Variants in PAIP1 observed in about 807,000 individuals in gnomAD.
The protein encoded by PAIP1 is polyadenylate-binding protein-interacting protein 1.
Under a neutral mutation model 61.3 loss-of-function variants are expected in PAIP1, and 16 were observed. The ratio of observed to expected loss-of-function variants is 0.26; its 90% CI spans 0.18 to 0.40. The LOEUF is 0.40. PAIP1 is among the 10% of genes least tolerant of loss of function. The pLI is 1.00. For synonymous variants in PAIP1, 187 were observed against 226.2 expected (o/e 0.83, Z 1.56); for missense variants, 416 against 600.9 (o/e 0.69, Z 3.22).
Position 43,528,745 on chromosome 5 carries a change from A to G in PAIP1, c.1346+1041T>C, listed in dbSNP as rs187710509. On this transcript the variant is annotated intron_variant, in intron 10 of 10. Transcript: ENST00000306846. ...AATCTACAACACAGGAGATATTAAA[A>G]AAAAAATAAGTTCAAGATATAATTT... Among the ~76,000 whole-genome samples, 312 of 152,316 alleles carry G rather than the reference A, an allele frequency of 2.0e-3. 2 individuals carry two copies. Among genetic ancestry groups the G allele is most frequent in the Middle Eastern group, 6.8e-3 (2 of 294 alleles).
At chr5:43,538,402 C>A (rs1020072500) in intron 5 of PAIP1, among the ~76,000 whole-genome samples, 1 of 152,000 alleles carries the variant, frequency 6.6e-6, no homozygotes, top group Non-Finnish European at 1.5e-5. Context: ...TTGATTTAGC[C>A]ATTCTACGAT....
chr5:43,538,160 TGGA>T (rs1367747269), intron 5 of PAIP1, among the ~76,000 whole-genome samples: 2 of 152,058 alleles, frequency 1.3e-5, no homozygotes, highest in Non-Finnish European at 2.9e-5. Context: ...CATTTTTATG[TGGA>T]AGATTAATAT....
At chr5:43,555,365 T>G (rs921184890) in intron 2 of PAIP1, among the ~76,000 whole-genome samples, 5 of 152,230 alleles carry the variant, frequency 3.3e-5, no homozygotes, top group Admixed American at 3.3e-4. Flanking sequence ...CTCATCTGGG[T>G]TTATCCAGTA....
In PAIP1 at chr5:43,556,661, G is replaced by C. The variant is rs2111616874; in HGVS notation, c.186C>G (p.Pro62=). Residue 62 remains proline (P), a synonymous_variant, in exon 1 of 11, where the codon CCC becomes CCG. Coordinates refer to ENST00000306846, the MANE Select transcript of PAIP1 (RefSeq NM_006451.5). ...GFLQPPPLRQ[P]RTTPPPGAQC... ...GGGCCCCTGGCGGCGGGGTCGTCCT[G>C]GGCTGGCGCAGCGGCGGTGGCTGCA... 3.9e-6 allele frequency: 5 copies of C among 1,283,334 alleles called. No homozygotes were observed. In the South Asian group the frequency reaches 1.4e-4, roughly 35 times the overall value. 79.5% of individuals were successfully genotyped at this position (1,283,334 alleles called of 1,614,324 possible). A position where few individuals can be genotyped will look rare whatever the true frequency, so the allele number is the denominator to read the frequency against.
rs1011776776 is a variant in PAIP1 at position 43,537,000 on chromosome 5, C to T, written c.847-56G>A. ...ATGATGCCAAAATATAATACAGATA[C>T]ATAAATGAACTAACAAGGTGTTGGC... On this transcript the variant is annotated intron_variant, in intron 5 of 10. Coordinates refer to ENST00000306846, the MANE Select transcript of PAIP1 (RefSeq NM_006451.5). The T allele has an allele frequency of 3.1e-6, 4 of 1,285,546 alleles. No homozygotes were observed. The Admixed American group carries it at 1.0e-4, about 33-fold the overall frequency. 79.6% of individuals were successfully genotyped at this position (1,285,546 alleles called of 1,614,324 possible). A position where few individuals can be genotyped will look rare whatever the true frequency, so the allele number is the denominator to read the frequency against.
chr5:43,546,877 T>C (rs1747656754), intron 3 of PAIP1, among the ~76,000 whole-genome samples: 1 of 151,678 alleles, frequency 6.6e-6, no homozygotes, highest in African/African-American at 2.4e-5. Flanking sequence ...ACCCTGTCTC[T>C]ATCAAAAATA....
At chr5:43,534,660 C>G (rs1747072965) in intron 8 of PAIP1, among the ~76,000 whole-genome samples, 193 bp downstream of exon 8, 1 of 152,212 alleles carries the variant, frequency 6.6e-6, no homozygotes, top group Non-Finnish European at 1.5e-5. Flanking sequence ...ATATCTTTCT[C>G]TAGTCCACCC....
In PAIP1 at chr5:43,538,973, C is replaced by T. The variant is rs377433433; in HGVS notation, c.797G>A (p.Arg266Gln). The change falls in exon 5 of 11, where the codon CGA (arginine) becomes CAA (glutamine). Residue 266 changes from arginine (R) to glutamine (Q), a missense_variant. This residue lies in a region of PAIP1 where 135 missense variants were observed against 283.9 expected (regional missense o/e 0.48). Coordinates refer to ENST00000306846, the MANE Select transcript of PAIP1 (RefSeq NM_006451.5). ...CAGAAAGAGTACAAATGCATGAAAT[C>T]GTTTTCGAGTAACTTCATCCCCTTT... ...AAKGDEVTRK[R>Q]FHAFVLFLGE... The T allele has an allele frequency of 8.1e-6, 13 of 1,611,598 alleles. No individual in the cohort carries two copies. Among genetic ancestry groups the T allele is most frequent in the East Asian group, 2.2e-5 (1 of 44,848 alleles).
intron 9 of PAIP1, among the ~76,000 whole-genome samples, chr5:43,530,734 T>C (rs570270579): frequency 2.0e-5 from 3 of 152,248 alleles, no homozygotes; most frequent in African/African-American, 7.2e-5. Flanking sequence ...CTTTTAAATG[T>C]ATGGATAAGT....
At chr5:43,529,428 G>A (rs1337810919) in intron 10 of PAIP1, among the ~76,000 whole-genome samples, 2 of 150,612 alleles carry the variant, frequency 1.3e-5, no homozygotes, top group Non-Finnish European at 2.9e-5. Flanking sequence ...TTTTGAGACA[G>A]AATCTAGTTA....
At chr5:43,537,904 G>T (rs989311181) in intron 5 of PAIP1, among the ~76,000 whole-genome samples, 9 of 147,960 alleles carry the variant, frequency 6.1e-5, no homozygotes, top group African/African-American at 2.0e-4. Flanking sequence ...TGAAGCAGGA[G>T]AATCGCTTGA....
In PAIP1 at chr5:43,556,938, G is replaced by A. The variant is rs1748123562; in HGVS notation, c.-92C>T. The A allele has an allele frequency of 8.6e-6, 11 of 1,285,376 alleles. 1 individual carries two copies. Among genetic ancestry groups the A allele is most frequent in the Non-Finnish European group, 7.9e-6 (8 of 1,016,390 alleles). 79.6% of individuals were successfully genotyped at this position (1,285,376 alleles called of 1,614,324 possible). On this transcript the variant is annotated 5_prime_UTR_variant, in exon 1 of 11. Coordinates refer to ENST00000306846, the MANE Select transcript of PAIP1 (RefSeq NM_006451.5). ...AAGGCGCCGCGGGTCGGCTATAGCCGCCGCGCCTCACTCGGGCCTCATGGA... is the reference window on the plus strand; with the variant it reads ...AAGGCGCCGCGGGTCGGCTATAGCCACCGCGCCTCACTCGGGCCTCATGGA...
intron 10 of PAIP1, 81 bp from the exon 11 acceptor site, chr5:43,527,550 A>T: frequency 7.8e-7 from 1 of 1,275,512 alleles, no homozygotes; most frequent in Non-Finnish European, 1.1e-6. Flanking sequence ...AAAATAATGT[A>T]ATACAACTTT....
In PAIP1 at chr5:43,536,955, C is replaced by A; in HGVS notation, c.847-11G>T. ...ATTTGTTCCCTTGATCTTTCGGGAC[C>A]AAAAAAAAGAACAAAAGGAATGATG... is the stretch of plus-strand genomic sequence containing the variant. On this transcript the variant is annotated splice_polypyrimidine_tract_variant and intron_variant, in intron 5 of 10. Transcript: ENST00000306846. 2 of 1,541,406 alleles carry A rather than the reference C, an allele frequency of 1.3e-6. No homozygotes were observed.
intron 1 of PAIP1, 192 bp from the exon 2 acceptor site, chr5:43,556,191 TTA>T: frequency 7.3e-7 from 1 of 1,371,736 alleles, no homozygotes; most frequent in Non-Finnish European, 9.4e-7. Flanking sequence ...TGTGACTCCG[TTA>T]TGGGCATACC....
At chr5:43,529,131 A>AAG (rs1456219200) in intron 10 of PAIP1, among the ~76,000 whole-genome samples, 1 of 151,408 alleles carries the variant, frequency 6.6e-6, no homozygotes, top group East Asian at 1.9e-4. Context: ...GTTCTCAAGA[A>AAG]AAAAAAAAAA....
At position 43,527,199 on chromosome 5, in the gene PAIP1, A is replaced by G. The variant is rs1746742778; in HGVS notation, c.*177T>C. ...TATATATATATACACATTTTAAGTTATAGGGAATAAAGTTTATTTTGGCAG... is the reference window on the plus strand; with the variant it reads ...TATATATATATACACATTTTAAGTTGTAGGGAATAAAGTTTATTTTGGCAG... On this transcript the variant is annotated 3_prime_UTR_variant, in exon 11 of 11. Transcript: ENST00000306846. 1 of 425,412 alleles carries G rather than the reference A, an allele frequency of 2.4e-6. No homozygotes were observed. The highest frequency in any genetic ancestry group is 4.1e-6 in the Non-Finnish European group (1 of 241,026). 26.4% of individuals were successfully genotyped at this position (425,412 alleles called of 1,614,324 possible). A position where few individuals can be genotyped will look rare whatever the true frequency, so the allele number is the denominator to read the frequency against.
intron 3 of PAIP1, among the ~76,000 whole-genome samples, chr5:43,545,746 T>C (rs1040153185): frequency 1.3e-5 from 2 of 152,096 alleles, no homozygotes; most frequent in African/African-American, 2.4e-5. Context: ...TTGGGAGATA[T>C]CAGAGTTGAA....
At chr5:43,541,615 T>C (rs147056367) in intron 4 of PAIP1, among the ~76,000 whole-genome samples, 2 of 150,078 alleles carry the variant, frequency 1.3e-5, no homozygotes, top group East Asian at 1.9e-4. Context: ...GGGGTCTACT[T>C]CTAGAATCTT....
Sources: gnomAD v4.1 joint callset for allele counts (sites outside exome capture counted in the v4.1 genomes callset) on GRCh38, gnomAD v4.1.1 for gene constraint, gnomAD v4.1.1 regional missense constraint, MANE v1.5 for transcripts, NCBI Gene and HGNC (gene_info 2026-07-23, HGNC 2026-07-21) for gene names.